The following PALLD variants were observed in gnomAD, a reference collection of about 807,000 sequenced individuals.
The protein encoded by PALLD is palladin, cytoskeletal associated protein.
In PALLD, 61 loss-of-function variants were observed where a neutral mutation model predicts 123.5. The ratio of observed to expected loss-of-function variants is 0.49; its 90% CI spans 0.40 to 0.61. The LOEUF is 0.61. PALLD is among the 20% of genes least tolerant of loss of function. PALLD has a pLI of 0.00. For synonymous variants in PALLD, 465 were observed against 496.4 expected (o/e 0.94, Z 0.84); for missense variants, 1,273 against 1,377.0 (o/e 0.92, Z 1.20).
At chr4:168,613,824 G>A (rs747680110) in intron 2 of PALLD, among the ~76,000 whole-genome samples, 1 of 152,172 alleles carries the variant, frequency 6.6e-6, no homozygotes, top group Non-Finnish European at 1.5e-5. Context: ...ATTCACGGGT[G>A]TATATCCAAA....
chr4:168,660,164 A>G (rs946150229), intron 2 of PALLD, among the ~76,000 whole-genome samples: 8 of 152,194 alleles, frequency 5.3e-5, no homozygotes. Context: ...AGAGAAAGAT[A>G]TTAGTAGACC....
chr4:168,918,279 G>A (rs1023399100), intron 17 of PALLD, among the ~76,000 whole-genome samples: 11 of 151,136 alleles, frequency 7.3e-5, no homozygotes, highest in African/African-American at 1.5e-4. Context: ...GCCAGGATAC[G>A]GGATCAGCCT....
At chr4:168,512,908 G>T (rs28497503) in intron 2 of PALLD, among the ~76,000 whole-genome samples, 3 of 151,806 alleles carry the variant, frequency 2.0e-5, no homozygotes, top group Admixed American at 6.6e-5. Context: ...GCCTACTTGA[G>T]GGGGGAGAGT....
rs375085677 is a variant in PALLD at position 168,716,479 on chromosome 4, T to A, written c.1964+4556T>A. ...ACCCCAGTCTCTAAAGAAGAAACAG[T>A]ATTATGATTTTCTATCTTAAAAGAG... On this transcript the variant is annotated intron_variant, in intron 10 of 21. Coordinates refer to ENST00000505667, the MANE Select transcript of PALLD (RefSeq NM_001166108.2). Among the ~76,000 whole-genome samples the A allele has an allele frequency of 5.9e-5, 9 of 152,312 alleles. No individual in the cohort carries two copies. The East Asian group carries it at 7.7e-4, about 13-fold the overall frequency.
intron 2 of PALLD, among the ~76,000 whole-genome samples, chr4:168,539,832 T>G (rs1487456463): frequency 1.3e-5 from 2 of 152,120 alleles, no homozygotes; most frequent in Non-Finnish European, 2.9e-5. Flanking sequence ...AACTTTTAGA[T>G]TCAGGGGGTA....
intron 10 of PALLD, among the ~76,000 whole-genome samples, chr4:168,741,874 G>A (rs747960301): frequency 9.2e-5 from 14 of 152,132 alleles, no homozygotes; most frequent in Non-Finnish European, 1.8e-4. Flanking sequence ...GTGGGAGAGC[G>A]AAGGAACCAG....
At chr4:168,620,329 C>G (rs1164909215) in intron 2 of PALLD, among the ~76,000 whole-genome samples, 1 of 152,110 alleles carries the variant, frequency 6.6e-6, no homozygotes, top group Non-Finnish European at 1.5e-5. Context: ...GTGGCACGCT[C>G]CTGTAATCGC....
At chr4:168,690,561 C>T (rs144572986) in intron 6 of PALLD, 42 bp from the exon 7 acceptor site, 3 of 1,613,374 alleles carry the variant, frequency 1.9e-6, no homozygotes, top group Non-Finnish European at 2.5e-6. Context: ...AAAAATGCAC[C>T]AAAGTCTGAT....
At chr4:168,736,410 C>T (rs1480645378) in intron 10 of PALLD, among the ~76,000 whole-genome samples, 3 of 152,156 alleles carry the variant, frequency 2.0e-5, no homozygotes. Context: ...TGTAGCTGCT[C>T]AAATACCAAG....
chr4:168,764,520 A>G (rs1733393459), intron 10 of PALLD, among the ~76,000 whole-genome samples: 1 of 152,030 alleles, frequency 6.6e-6, no homozygotes, highest in African/African-American at 2.4e-5. Context: ...TGGGCTCAAG[A>G]GATTCTCTTA....
At chr4:168,834,621 C>G (rs1375222507) in intron 10 of PALLD, among the ~76,000 whole-genome samples, 1 of 152,096 alleles carries the variant, frequency 6.6e-6, no homozygotes, top group Non-Finnish European at 1.5e-5. Flanking sequence ...CCTATAACCC[C>G]AGCTACTCAG....
rs78290590 is a variant in PALLD at position 168,658,910 on chromosome 4, C to T, written c.909-9280C>T. Among the ~76,000 whole-genome samples the T allele has an allele frequency of 1.7e-3, 253 of 152,284 alleles. 1 individual carries two copies. In the South Asian group the frequency reaches 0.025, roughly 15 times the overall value. ...GGTTAAAGTACATCTGTTGTCCACA[C>T]AAATTTAGCTATTGGCCTTCGAGCT... is the stretch of plus-strand genomic sequence containing the variant. On this transcript the variant is annotated intron_variant, in intron 2 of 21. Coordinates refer to ENST00000505667, the MANE Select transcript of PALLD (RefSeq NM_001166108.2).
At chr4:168,842,421 T>C (rs1021908467) in intron 10 of PALLD, among the ~76,000 whole-genome samples, 2 of 152,220 alleles carry the variant, frequency 1.3e-5, no homozygotes, top group Non-Finnish European at 2.9e-5. Flanking sequence ...TCCAGAAATC[T>C]GCATCCTGGT....
chr4:168,922,102 TACACACA>T (rs1761681319), intron 18 of PALLD, among the ~76,000 whole-genome samples: 2 of 132,604 alleles, frequency 1.5e-5, no homozygotes, highest in Non-Finnish European at 3.1e-5. Flanking sequence ...TATATATATA[TACACACA>T]CACACACACA....
chr4:168,839,616 G>T (rs569406408), intron 10 of PALLD, among the ~76,000 whole-genome samples: 6 of 151,832 alleles, frequency 4.0e-5, no homozygotes, highest in African/African-American at 1.2e-4. Flanking sequence ...AGGGACGGGG[G>T]TGCATCAGAG....
At chr4:168,752,394 T>A (rs1227321221) in intron 10 of PALLD, among the ~76,000 whole-genome samples, 2 of 152,168 alleles carry the variant, frequency 1.3e-5, no homozygotes, top group African/African-American at 4.8e-5. Context: ...AAAGTCTATT[T>A]CTTAAATACC....
At chr4:168,701,275 T>C (rs1412478862) in intron 8 of PALLD, among the ~76,000 whole-genome samples, 1 of 152,258 alleles carries the variant, frequency 6.6e-6, no homozygotes, top group Non-Finnish European at 1.5e-5. Context: ...CCAGAGCCCA[T>C]GTGCCCAGTG....
At chr4:168,632,753 T>C (rs1775958741) in intron 2 of PALLD, among the ~76,000 whole-genome samples, 1 of 152,258 alleles carries the variant, frequency 6.6e-6, no homozygotes, top group East Asian at 1.9e-4. Context: ...CTGACGCTTA[T>C]AAATATTCAA....
chr4:168,634,524 C>A (rs1172295327), intron 2 of PALLD, among the ~76,000 whole-genome samples: 1 of 152,200 alleles, frequency 6.6e-6, no homozygotes, highest in East Asian at 1.9e-4. Context: ...AATGATTGGG[C>A]TATGATGTCA....
Sources: gnomAD v4.1 joint callset for allele counts (sites outside exome capture counted in the v4.1 genomes callset) on GRCh38, gnomAD v4.1.1 for gene constraint, MANE v1.5 for transcripts, NCBI Gene and HGNC (gene_info 2026-07-23, HGNC 2026-07-21) for gene names.